Variants in MYRIP observed in about 807,000 individuals in gnomAD.
MYRIP encodes the protein rab effector MyRIP.
A neutral mutation model predicts 98.0 loss-of-function variants in MYRIP; 49 were observed. That is an observed-to-expected ratio of 0.50 (90% CI 0.40 to 0.63). The LOEUF is 0.63. MYRIP is among the 30% of genes least tolerant of loss of function. The pLI, the probability that MYRIP is intolerant of heterozygous loss-of-function variation, is 0.00. For missense variants in MYRIP, 1,004 were observed against 1,058.2 expected, an observed-to-expected ratio of 0.95 and a Z score of 0.71; for synonymous variants, 404 against 409.5, an observed-to-expected ratio of 0.99 and a Z score of 0.16.
chr3:40,082,956 C>T (rs569109690), intron 3 of MYRIP, among the ~76,000 whole-genome samples: 29 of 152,216 alleles, frequency 1.9e-4, no homozygotes, highest in East Asian at 3.9e-4. Context: ...TTGGATCATT[C>T]GAGTGGGGAG....
intron 4 of MYRIP, among the ~76,000 whole-genome samples, chr3:40,159,137 T>C (rs1460305908): frequency 6.6e-6 from 1 of 152,222 alleles, no homozygotes; most frequent in Non-Finnish European, 1.5e-5. Context: ...TGGTATCGGT[T>C]GTTCCTTTCC....
intron 16 of MYRIP, 95 bp from the exon 17 acceptor site, chr3:40,258,039 C>T: frequency 7.3e-7 from 1 of 1,361,328 alleles, no homozygotes; most frequent in Non-Finnish European, 1.1e-6. Flanking sequence ...GCATGAATAG[C>T]TTTTGATATT....
chr3:40,206,148 C>A (rs535782586), intron 10 of MYRIP, among the ~76,000 whole-genome samples: 95 of 152,274 alleles, frequency 6.2e-4, no homozygotes, highest in African/African-American at 2.2e-3. Context: ...AAGATCCCAA[C>A]TTAGCATTTA....
rs568055804 is a variant in MYRIP at position 40,198,128 on chromosome 3, C to T, written c.1665+7665C>T. Among the ~76,000 whole-genome samples the T allele has an allele frequency of 2.0e-5, 3 of 152,294 alleles. No homozygotes were observed. In the South Asian group the frequency reaches 6.2e-4, roughly 32 times the overall value. On this transcript the variant is annotated intron_variant, in intron 10 of 16. Coordinates refer to ENST00000302541, the MANE Select transcript of MYRIP (RefSeq NM_015460.4). ...TATCACTACACCTCCCAGGATGCAA[C>T]ATGGTACCATGGCTAGTTCTTCCTC...
At chr3:39,853,130 C>T (rs1404562648) in intron 1 of MYRIP, among the ~76,000 whole-genome samples, 1 of 152,120 alleles carries the variant, frequency 6.6e-6, no homozygotes, top group Non-Finnish European at 1.5e-5. Context: ...CATATGTATA[C>T]TACATTTTCT....
At chr3:39,972,707 T>C (rs1001684024) in intron 2 of MYRIP, among the ~76,000 whole-genome samples, 5 of 152,086 alleles carry the variant, frequency 3.3e-5, no homozygotes, top group Non-Finnish European at 5.9e-5. Flanking sequence ...ACAGATGGAC[T>C]GGGAAATAGA....
In MYRIP at chr3:40,141,763, G is replaced by A. The variant is rs113448759; in HGVS notation, c.333-9285G>A. Among the ~76,000 whole-genome samples, 68 of 152,222 alleles carry A rather than the reference G, an allele frequency of 4.5e-4. No individual in the cohort carries two copies. In the East Asian group the frequency reaches 8.3e-3, roughly 19 times the overall value. On this transcript the variant is annotated intron_variant, in intron 3 of 16. Transcript: ENST00000302541. The stretch of plus-strand genomic sequence containing the variant: ...AAAAATCAGTTAGCTGTAAATATGC[G>A]GCTTAATTTGGGGGTTTTCTACTCT...
At chr3:40,154,578 C>T (rs546872362) in intron 4 of MYRIP, among the ~76,000 whole-genome samples, 6 of 152,154 alleles carry the variant, frequency 3.9e-5, no homozygotes, top group African/African-American at 1.4e-4. Context: ...TTCTGGGATA[C>T]ATCTGCAGGA....
chr3:40,149,474 G>A (rs1043977382), intron 3 of MYRIP, among the ~76,000 whole-genome samples: 7 of 152,194 alleles, frequency 4.6e-5, no homozygotes, highest in African/African-American at 1.7e-4. Flanking sequence ...CAGCTTCACT[G>A]TATGGTGTTA....
intron 11 of MYRIP, among the ~76,000 whole-genome samples, chr3:40,223,440 A>G (rs1952395273): frequency 6.6e-6 from 1 of 152,224 alleles, no homozygotes; most frequent in Non-Finnish European, 1.5e-5. Context: ...CTCACCATTA[A>G]TCTCGTGATT....
chr3:40,112,836 T>A (rs1447193224), intron 3 of MYRIP, among the ~76,000 whole-genome samples: 1 of 152,206 alleles, frequency 6.6e-6, no homozygotes, highest in African/African-American at 2.4e-5. Flanking sequence ...CACAGGCTAC[T>A]TTCATGACTA....
chr3:40,247,806 G>A (rs779926154), intron 13 of MYRIP, among the ~76,000 whole-genome samples: 25 of 152,268 alleles, frequency 1.6e-4, no homozygotes, highest in Admixed American at 3.3e-4. Flanking sequence ...TTACAGGCAT[G>A]ATCCAGCGCC....
intron 10 of MYRIP, among the ~76,000 whole-genome samples, chr3:40,206,338 T>C (rs557865957): frequency 4.7e-4 from 71 of 152,260 alleles, no homozygotes; most frequent in African/African-American, 1.5e-3. Context: ...ACTGTTATTT[T>C]TGAAGTTCTT....
At chr3:39,883,722 A>G (rs1458636963) in intron 1 of MYRIP, among the ~76,000 whole-genome samples, 1 of 152,054 alleles carries the variant, frequency 6.6e-6, no homozygotes, top group Admixed American at 6.6e-5. Context: ...TTTAATATAC[A>G]TGAAGAGAAA....
intron 3 of MYRIP, among the ~76,000 whole-genome samples, chr3:40,048,455 A>G (rs541910793): frequency 1.3e-5 from 2 of 151,762 alleles, no homozygotes; most frequent in Admixed American, 1.3e-4. Flanking sequence ...CATTCATCCT[A>G]CAATATGAAT....
chr3:39,922,651 A>G (rs1944331316), intron 2 of MYRIP, among the ~76,000 whole-genome samples: 1 of 152,212 alleles, frequency 6.6e-6, no homozygotes, highest in African/African-American at 2.4e-5. Flanking sequence ...CTCAGGTATC[A>G]ACAGAGGTCA....
At chr3:40,080,791 C>CTTTTTT (rs34610302) in intron 3 of MYRIP, among the ~76,000 whole-genome samples, 55 of 93,824 alleles carry the variant, frequency 5.9e-4, no homozygotes, top group Non-Finnish European at 6.9e-4. Flanking sequence ...ATCCTAACTT[C>CTTTTTT]TTTTTTTTTT....
intron 10 of MYRIP, among the ~76,000 whole-genome samples, chr3:40,195,109 G>T (rs944931299): frequency 6.6e-6 from 1 of 152,144 alleles, no homozygotes; most frequent in African/African-American, 2.4e-5. Flanking sequence ...CCTTGCCTTT[G>T]TCTTGCTGCT....
At chr3:40,136,426 A>G (rs1949771817) in intron 3 of MYRIP, among the ~76,000 whole-genome samples, 1 of 152,220 alleles carries the variant, frequency 6.6e-6, no homozygotes, top group Non-Finnish European at 1.5e-5. Context: ...CTCCCACACA[A>G]TAATAATGGG....
Sources: gnomAD v4.1 joint callset for allele counts (sites outside exome capture counted in the v4.1 genomes callset) on GRCh38, gnomAD v4.1.1 for gene constraint, MANE v1.5 for transcripts, NCBI Gene and HGNC (gene_info 2026-07-23, HGNC 2026-07-21) for gene names.